The following AK5 variants were observed in gnomAD, a reference collection of about 807,000 sequenced individuals.
AK5 encodes adenylate kinase 5.
Under a neutral mutation model 69.5 loss-of-function variants are expected in AK5, and 27 were observed. That is an observed-to-expected ratio of 0.39 (90% CI 0.29 to 0.54). The LOEUF (loss-of-function observed/expected upper bound fraction) is 0.54. AK5 is among the 20% of genes least tolerant of loss of function. AK5 has a pLI of 0.71. For missense variants in AK5, 531 were observed against 700.4 expected, an observed-to-expected ratio of 0.76 and a Z score of 2.73; for synonymous variants, 260 against 244.4, an observed-to-expected ratio of 1.06 and a Z score of -0.60.
chr1:77,517,414 T>G (rs1467751980), intron 10 of AK5, among the ~76,000 whole-genome samples: 1 of 152,204 alleles, frequency 6.6e-6, no homozygotes. Context: ...AGCCCAGGCT[T>G]CAAATCCTAG....
intron 6 of AK5, among the ~76,000 whole-genome samples, chr1:77,407,272 A>T (rs1431843332): frequency 1.3e-5 from 2 of 152,222 alleles, no homozygotes; most frequent in Non-Finnish European, 2.9e-5. Context: ...GAGATGACAG[A>T]TATCCAGGAT....
Position 77,312,046 on chromosome 1 carries a change from C to T in AK5, c.699+14099C>T, listed in dbSNP as rs116683515. 3.4e-3 allele frequency among the ~76,000 whole-genome samples: 517 copies of T among 152,198 alleles called. 8 individuals carry two copies. Among genetic ancestry groups the T allele is most frequent in the African/African-American group, 0.012 (497 of 41,482 alleles). On this transcript the variant is annotated intron_variant, in intron 5 of 13. Coordinates refer to ENST00000354567, the MANE Select transcript of AK5 (RefSeq NM_174858.3). ...AGAAATAATAATTCGTTATTTTCGG[C>T]CAGAAGGGATGATAATCCAGAGTTC...
chr1:77,440,940 G>A (rs1570132318), intron 8 of AK5, among the ~76,000 whole-genome samples: 1 of 152,186 alleles, frequency 6.6e-6, no homozygotes, highest in East Asian at 1.9e-4. Flanking sequence ...GTAGAGACGG[G>A]GTTTCGCCAT....
At chr1:77,474,804 CTTTTA>C (rs1396435839) in intron 8 of AK5, among the ~76,000 whole-genome samples, 1 of 152,042 alleles carries the variant, frequency 6.6e-6, no homozygotes, top group African/African-American at 2.4e-5. Context: ...GTGTTTTATT[CTTTTA>C]TTTATTTATT....
chr1:77,558,447 A>T lies in AK5; in HGVS notation c.1621-155A>T, dbSNP rs533699027. 2.1e-5 allele frequency among the ~76,000 whole-genome samples: 3 copies of T among 140,908 alleles called. No individual in the cohort carries two copies. In the East Asian group the frequency reaches 6.7e-4, roughly 31 times the overall value. The allele number at this position is 140,908 out of a possible 152,430, so 92.4% of individuals were successfully genotyped here. Reference sequence around the variant, plus strand: ...TTTTTAATTGAGACACCTAGTTTTAAAACTACTCTTCACTTTTTTCTCTGT... The same window carrying T: ...TTTTTAATTGAGACACCTAGTTTTATAACTACTCTTCACTTTTTTCTCTGT... On this transcript the variant is annotated intron_variant, in intron 13 of 13. Coordinates refer to ENST00000354567, the MANE Select transcript of AK5 (RefSeq NM_174858.3).
chr1:77,485,589 T>C (rs1655536871), intron 9 of AK5, among the ~76,000 whole-genome samples: 1 of 152,232 alleles, frequency 6.6e-6, no homozygotes, highest in South Asian at 2.1e-4. Context: ...AAACTATTTT[T>C]TAAAATATTA....
At chr1:77,358,240 C>T (rs1042795190) in intron 6 of AK5, among the ~76,000 whole-genome samples, 1 of 152,006 alleles carries the variant, frequency 6.6e-6, no homozygotes, top group Non-Finnish European at 1.5e-5. Context: ...TTGTACTCTG[C>T]TTTAAAAATT....
At position 77,307,479 on chromosome 1, in the gene AK5, T is replaced by C. The variant is rs115054965; in HGVS notation, c.699+9532T>C. ...TTTTGGTTAGAGAAGATGCTTGATCTTATTTCAATTTTTTAATGTTTTAAG... is the reference window on the plus strand; with the variant it reads ...TTTTGGTTAGAGAAGATGCTTGATCCTATTTCAATTTTTTAATGTTTTAAG... On this transcript the variant is annotated intron_variant, in intron 5 of 13. Transcript: ENST00000354567. 1.4e-3 allele frequency among the ~76,000 whole-genome samples: 207 copies of C among 152,256 alleles called. 2 individuals are homozygous for C. The highest frequency in any genetic ancestry group is 4.8e-3 in the African/African-American group (198 of 41,554).
At chr1:77,470,511 T>G (rs1403440582) in intron 8 of AK5, among the ~76,000 whole-genome samples, 1 of 151,858 alleles carries the variant, frequency 6.6e-6, no homozygotes, top group Non-Finnish European at 1.5e-5. Context: ...ACTCAAATAA[T>G]AATAATATTA....
intron 6 of AK5, among the ~76,000 whole-genome samples, chr1:77,359,537 G>GA (rs74377120): frequency 0.14 from 20,784 of 148,704 alleles, 1,654 homozygotes; most frequent in East Asian, 0.37. Flanking sequence ...TTGATAATCT[G>GA]AAAAAAAAAT....
chr1:77,313,820 T>C (rs781464028), intron 5 of AK5: 9 of 532,978 alleles, frequency 1.7e-5, no homozygotes, highest in African/African-American at 1.3e-4. Context: ...CAGACAAAGA[T>C]GCCTGTGCAG....
intron 12 of AK5, among the ~76,000 whole-genome samples, chr1:77,531,927 G>A (rs1431184022): frequency 6.6e-6 from 1 of 151,740 alleles, no homozygotes; most frequent in African/African-American, 2.4e-5. Context: ...GCTAAGGCCC[G>A]GCGAGAAATC....
chr1:77,304,604 C>T (rs1433561057), intron 5 of AK5, among the ~76,000 whole-genome samples: 1 of 152,100 alleles, frequency 6.6e-6, no homozygotes, highest in Non-Finnish European at 1.5e-5. Context: ...GGGGTTTCTC[C>T]ATGTTGGTCA....
intron 5 of AK5, among the ~76,000 whole-genome samples, chr1:77,325,644 T>C (rs1274895533): frequency 6.6e-6 from 1 of 152,096 alleles, no homozygotes; most frequent in Non-Finnish European, 1.5e-5. Context: ...TATATTCCAA[T>C]ATAGTGAAAC....
chr1:77,329,163 A>G (rs1417471728), intron 5 of AK5, among the ~76,000 whole-genome samples: 1 of 151,650 alleles, frequency 6.6e-6, no homozygotes. Context: ...CCACCAAAAT[A>G]AAGATTCATA....
rs113073525 is a variant in AK5 at position 77,328,455 on chromosome 1, G to A, written c.700-11922G>A. ...GCGGAGGTTGCAGTGAGCCGAGATC[G>A]CACCGTTGCACTCCCAGGTGACAGT... On this transcript the variant is annotated intron_variant, in intron 5 of 13. Transcript: ENST00000354567. 6.1e-3 allele frequency among the ~76,000 whole-genome samples: 930 copies of A among 151,420 alleles called. 8 individuals are homozygous for A. The highest frequency in any genetic ancestry group is 0.021 in the African/African-American group (865 of 41,210).
At chr1:77,523,185 C>T (rs989126239) in intron 12 of AK5, among the ~76,000 whole-genome samples, 2 of 152,126 alleles carry the variant, frequency 1.3e-5, no homozygotes, top group South Asian at 2.1e-4. Flanking sequence ...GTCAATTGCT[C>T]ATCTTCCCCT....
chr1:77,433,986 T>C (rs1296073959), intron 8 of AK5, among the ~76,000 whole-genome samples: 1 of 151,572 alleles, frequency 6.6e-6, no homozygotes, highest in Non-Finnish European at 1.5e-5. Flanking sequence ...TAGAGTCTTT[T>C]CCATGAATCT....
At chr1:77,520,479 C>G (rs983478043) in intron 11 of AK5, among the ~76,000 whole-genome samples, 1 of 152,258 alleles carries the variant, frequency 6.6e-6, no homozygotes, top group Admixed American at 6.5e-5. Flanking sequence ...TCACCACTCT[C>G]ACCTTGCTCA....
Sources: gnomAD v4.1 joint callset for allele counts (sites outside exome capture counted in the v4.1 genomes callset) on GRCh38, gnomAD v4.1.1 for gene constraint, MANE v1.5 for transcripts, NCBI Gene and HGNC (gene_info 2026-07-23, HGNC 2026-07-21) for gene names.